Variants in SLC30A8 observed in about 807,000 individuals in gnomAD.
SLC30A8 encodes the protein solute carrier family 30 member 8, also known as proton-coupled zinc antiporter SLC30A8.
SLC30A8 carries 27 observed loss-of-function variants against 36.9 expected under a neutral mutation model. The observed-to-expected ratio is 0.73, with a 90% CI of 0.54 to 1.01. The LOEUF (loss-of-function observed/expected upper bound fraction) is 1.01. Among genes scored for constraint, SLC30A8 ranks in the 50% least tolerant of loss-of-function variants. The pLI is 0.00. For missense variants in SLC30A8, 439 were observed against 452.0 expected (o/e 0.97, Z 0.26); for synonymous variants, 164 against 172.4 (o/e 0.95, Z 0.38).
intron 2 of SLC30A8, among the ~76,000 whole-genome samples, chr8:117,072,906 T>C (rs1818376088): frequency 6.6e-6 from 1 of 152,050 alleles, no homozygotes. Flanking sequence ...TTCAAATCTT[T>C]ATTTCATGTA....
At chr8:117,162,078 A>T (rs942228871) in intron 5 of SLC30A8, among the ~76,000 whole-genome samples, 190 bp downstream of exon 5, 2 of 152,194 alleles carry the variant, frequency 1.3e-5, no homozygotes, top group East Asian at 3.9e-4. Context: ...GAATACCTTC[A>T]GGTTCTTGGA....
chr8:116,961,264 C>T (rs187862286), intron 1 of SLC30A8, among the ~76,000 whole-genome samples: 80 of 152,122 alleles, frequency 5.3e-4, no homozygotes, highest in Non-Finnish European at 6.2e-4. Flanking sequence ...CCCGTCTCTA[C>T]TAAAAATACA....
intron 1 of SLC30A8, among the ~76,000 whole-genome samples, chr8:117,022,879 G>C (rs942294872): frequency 2.6e-4 from 39 of 152,246 alleles, no homozygotes; most frequent in African/African-American, 9.4e-4. Flanking sequence ...TGACAAATGG[G>C]ATCTAATTAA....
chr8:117,069,539 C>T (rs1250824435), intron 2 of SLC30A8, among the ~76,000 whole-genome samples: 3 of 152,194 alleles, frequency 2.0e-5, no homozygotes, highest in Admixed American at 2.0e-4. Flanking sequence ...CTACTTCCAA[C>T]ATTTGTGGGG....
intron 2 of SLC30A8, among the ~76,000 whole-genome samples, chr8:117,077,683 A>G (rs1818533810): frequency 6.6e-6 from 1 of 152,172 alleles, no homozygotes; most frequent in Non-Finnish European, 1.5e-5. Flanking sequence ...TGACCTGTAC[A>G]TGCATTCAAG....
chr8:116,994,896 ATTAT>A (rs1417521814), intron 1 of SLC30A8, among the ~76,000 whole-genome samples: 1 of 152,088 alleles, frequency 6.6e-6, no homozygotes, highest in Non-Finnish European at 1.5e-5. Context: ...TTTTAAATTA[ATTAT>A]GCATCTGATT....
chr8:117,109,573 A>C (rs780623221), intron 2 of SLC30A8, among the ~76,000 whole-genome samples: 1 of 150,048 alleles, frequency 6.7e-6, no homozygotes, highest in Non-Finnish European at 1.5e-5. Flanking sequence ...ATCAGATTTT[A>C]TAAATTCCTA....
intron 1 of SLC30A8, among the ~76,000 whole-genome samples, chr8:117,016,018 A>G (rs1461630333): frequency 6.6e-6 from 1 of 152,188 alleles, no homozygotes; most frequent in Non-Finnish European, 1.5e-5. Context: ...CTTGAATAAG[A>G]AGGAACAAGA....
chr8:117,123,802 G>C (rs1322672859), intron 2 of SLC30A8, among the ~76,000 whole-genome samples: 1 of 151,854 alleles, frequency 6.6e-6, no homozygotes, highest in African/African-American at 2.4e-5. Flanking sequence ...AATTAAAGTT[G>C]CTTATTTTAA....
chr8:117,128,465 G>A (rs562445061), intron 2 of SLC30A8: 4 of 152,176 alleles, frequency 2.6e-5, no homozygotes, highest in South Asian at 2.1e-4. Flanking sequence ...GCACGCACGC[G>A]TCTGTGTGTG....
chr8:117,171,115 A>T lies in SLC30A8; in HGVS notation c.911A>T (p.His304Leu), dbSNP rs763719329. ...GGGGTGCTGTCTGTGCACAGCCTGC[A>T]CATCTGGTCTCTAACAATGAATCAA... Reference protein sequence around the residue: ...VDGVLSVHSLHIWSLTMNQVI... With the variant: ...VDGVLSVHSLLIWSLTMNQVI... The change falls in exon 7 of 8, where the codon CAC becomes CTC. Residue 304 changes from histidine (H) to leucine (L), a missense_variant. By Grantham distance (99) the His-to-Leu change is moderately conservative. Transcript: ENST00000456015. 1.2e-6 allele frequency: 2 copies of T among 1,613,586 alleles called. No individual in the cohort carries two copies. Among genetic ancestry groups the T allele is most frequent in the Non-Finnish European group, 1.7e-6 (2 of 1,179,660 alleles).
chr8:117,043,305 T>A (rs1285996026), intron 2 of SLC30A8, among the ~76,000 whole-genome samples: 5 of 152,220 alleles, frequency 3.3e-5, no homozygotes, highest in African/African-American at 1.2e-4. Flanking sequence ...AACTGTGGAC[T>A]TTCAGAGACA....
At chr8:117,088,247 A>G (rs1261838365) in intron 2 of SLC30A8, among the ~76,000 whole-genome samples, 1 of 152,174 alleles carries the variant, frequency 6.6e-6, no homozygotes, top group Non-Finnish European at 1.5e-5. Flanking sequence ...TTTTATGTGC[A>G]ACATTCCCCT....
chr8:117,016,342 C>A (rs746482912), intron 1 of SLC30A8, among the ~76,000 whole-genome samples: 71 of 152,326 alleles, frequency 4.7e-4, no homozygotes, highest in African/African-American at 1.6e-3. Flanking sequence ...TGGTTTCAAA[C>A]ATTCTTTCTG....
intron 2 of SLC30A8, among the ~76,000 whole-genome samples, chr8:117,092,970 C>A (rs772686724): frequency 5.3e-4 from 81 of 152,100 alleles, no homozygotes; most frequent in Admixed American, 1.3e-3. Context: ...TGTCATATAT[C>A]CCCTGTGTCA....
chr8:117,073,027 G>A (rs950512382), intron 2 of SLC30A8, among the ~76,000 whole-genome samples: 1 of 151,980 alleles, frequency 6.6e-6, no homozygotes, highest in Non-Finnish European at 1.5e-5. Flanking sequence ...GTAGTGTTGT[G>A]TCTGGAACTT....
chr8:117,041,791 G>A (rs58404855), intron 2 of SLC30A8, among the ~76,000 whole-genome samples: 6 of 152,264 alleles, frequency 3.9e-5, no homozygotes, highest in African/African-American at 2.4e-5. Context: ...TTAGGTCCTA[G>A]GTCTTGTGTG....
intron 1 of SLC30A8, among the ~76,000 whole-genome samples, chr8:116,995,871 A>G (rs930799060): frequency 2.0e-5 from 3 of 152,118 alleles, no homozygotes; most frequent in African/African-American, 7.2e-5. Context: ...TTGCACCTGA[A>G]ATCACCAGAC....
chr8:117,054,108 T>C (rs1817793517), intron 2 of SLC30A8, among the ~76,000 whole-genome samples: 1 of 150,238 alleles, frequency 6.7e-6, no homozygotes, highest in African/African-American at 2.5e-5. Flanking sequence ...CTTTTTTTTT[T>C]TTTTTTTTGA....
Sources: gnomAD v4.1 joint callset for allele counts (sites outside exome capture counted in the v4.1 genomes callset) on GRCh38, gnomAD v4.1.1 for gene constraint, MANE v1.5 for transcripts, NCBI Gene and HGNC (gene_info 2026-07-23, HGNC 2026-07-21) for gene names.